Variants in EFHC2 observed in about 807,000 individuals in gnomAD.
The protein encoded by EFHC2 is EF-hand domain-containing family member C2.
A neutral mutation model predicts 52.7 loss-of-function variants in EFHC2; 18 were observed. The observed-to-expected ratio is 0.34, with a 90% CI of 0.24 to 0.51. The LOEUF is 0.51. EFHC2 is among the 20% of genes least tolerant of loss of function. EFHC2 has a pLI of 0.97. For synonymous variants in EFHC2, 203 were observed against 204.1 expected, an observed-to-expected ratio of 0.99 and a Z score of 0.04; for missense variants, 513 against 562.5, an observed-to-expected ratio of 0.91 and a Z score of 0.89.
chrX:44,226,554 C>A (rs1419524110), intron 11 of EFHC2, among the ~76,000 whole-genome samples: 1 of 110,920 alleles, frequency 9.0e-6, no homozygotes, highest in African/African-American at 3.3e-5. Context: ...AAGAGACATG[C>A]GAGGGGGAAA....
intron 4 of EFHC2, among the ~76,000 whole-genome samples, chrX:44,259,064 A>G (rs930797796): frequency 6.3e-5 from 7 of 111,334 alleles, no homozygotes; most frequent in African/African-American, 2.0e-4. Context: ...TACCCAAAGG[A>G]TTATAAATCA....
chrX:44,325,695 C>T (rs1236899796), intron 1 of EFHC2, among the ~76,000 whole-genome samples: 1 of 106,512 alleles, frequency 9.4e-6, no homozygotes, highest in Non-Finnish European at 1.9e-5. Flanking sequence ...GCACAGCAGT[C>T]TCTTGTTTCT....
intron 2 of EFHC2, among the ~76,000 whole-genome samples, chrX:44,295,637 C>A (rs1018355104): frequency 9.0e-6 from 1 of 110,612 alleles, no homozygotes. Context: ...AGGCTACTCT[C>A]CAGGTGAAAG....
intron 11 of EFHC2, among the ~76,000 whole-genome samples, chrX:44,187,928 T>G (rs572377138): frequency 2.7e-5 from 3 of 109,529 alleles, no homozygotes; most frequent in African/African-American, 9.9e-5. Flanking sequence ...AAAAAGTGTT[T>G]CCTGTCAAAC....
In EFHC2 at chrX:44,313,109, A is replaced by AAAG. The variant is rs1556024252; in HGVS notation, c.43-354_43-353insCTT. Among the ~76,000 whole-genome samples the AAAG allele has an allele frequency of 1.5e-3, 156 of 105,041 alleles. 1 individual carries two copies. The highest frequency in any genetic ancestry group is 2.4e-3 in the Admixed American group (23 of 9,518). The allele number at this position is 105,041 out of a possible 115,157, so 91.2% of individuals were successfully genotyped here. ...AATGCAAACAGCAAAAAAAAAAAAA[A>AAAG]AAAGAAAGAAAGAAAGAAAAAACTG... On this transcript the variant is annotated intron_variant, in intron 1 of 14. Coordinates refer to ENST00000420999, the MANE Select transcript of EFHC2 (RefSeq NM_025184.4).
chrX:44,232,556 A>G lies in EFHC2; in HGVS notation c.1545T>C (p.Asn515=), dbSNP rs190139811. 6.7e-6 allele frequency: 8 copies of G among 1,187,619 alleles called. No homozygotes were observed. In the African/African-American group the frequency reaches 1.2e-4, roughly 18 times the overall value. Residue 515 remains asparagine, a synonymous_variant, in exon 10 of 15, where the codon AAT becomes AAC. Coordinates refer to ENST00000420999, the MANE Select transcript of EFHC2 (RefSeq NM_025184.4). ...AEELYIGVTV[N]VNGYLFRLLN... ...GCAAACGAAATAGGTAACCATTCAC[A>G]TTCACCGTGACTCCAATGTACAGCT...
intron 2 of EFHC2, among the ~76,000 whole-genome samples, chrX:44,310,914 T>A (rs750362757): frequency 8.9e-6 from 1 of 112,145 alleles, no homozygotes; most frequent in Non-Finnish European, 1.9e-5. Context: ...GAGAAAAACA[T>A]GAAATGACTT....
intron 1 of EFHC2, among the ~76,000 whole-genome samples, chrX:44,321,172 G>A (rs1257197931): frequency 1.8e-5 from 2 of 111,749 alleles, no homozygotes; most frequent in Non-Finnish European, 3.8e-5. Context: ...TGTGGAAAAA[G>A]AGATGAGTTA....
At chrX:44,314,158 C>T (rs897789066) in intron 1 of EFHC2, among the ~76,000 whole-genome samples, 1 of 111,567 alleles carries the variant, frequency 9.0e-6, no homozygotes, top group Non-Finnish European at 1.9e-5. Flanking sequence ...AATAAATGAA[C>T]ACTCATATGC....
chrX:44,294,921 G>A (rs1405020295), intron 2 of EFHC2, among the ~76,000 whole-genome samples: 9 of 112,324 alleles, frequency 8.0e-5, no homozygotes, highest in Admixed American at 7.5e-4. Context: ...AGCCAACACT[G>A]ATTAAGTACT....
At chrX:44,166,285 T>G (rs748960038) in intron 13 of EFHC2, among the ~76,000 whole-genome samples, 286 of 111,028 alleles carry the variant, frequency 2.6e-3, no homozygotes, top group Non-Finnish European at 4.7e-3. Flanking sequence ...GAATATATTT[T>G]GAATGTAGGA....
chrX:44,232,706 G>C (rs374146918), intron 9 of EFHC2, 29 bp from the exon 10 acceptor site: 2 of 1,149,181 alleles, frequency 1.7e-6, no homozygotes. Flanking sequence ...TTCATGAGCA[G>C]CCTTTATTCT....
chrX:44,207,863 G>T (rs2037060802), intron 11 of EFHC2, among the ~76,000 whole-genome samples: 2 of 112,467 alleles, frequency 1.8e-5, no homozygotes, highest in Admixed American at 1.9e-4. Context: ...CTCAAAAGCA[G>T]ACAGACATAA....
chrX:44,237,321 A>C (rs777968144), intron 8 of EFHC2, among the ~76,000 whole-genome samples: 15 of 111,720 alleles, frequency 1.3e-4, no homozygotes, highest in Non-Finnish European at 2.6e-4. Flanking sequence ...ACTACTTTTC[A>C]AACTTCCCAG....
chrX:44,246,514 C>CT lies in EFHC2; in HGVS notation c.1111+1757dup, dbSNP rs201690613. On this transcript the variant is annotated intron_variant, in intron 7 of 14. Transcript: ENST00000420999. ...ATATTAGCTTTAGAGGCACAGACTA[C>CT]TTTTTTTTTACATAATACAATTAGT... 1.9e-4 allele frequency among the ~76,000 whole-genome samples: 21 copies of CT among 110,630 alleles called. 1 individual carries two copies. Among genetic ancestry groups the CT allele is most frequent in the East Asian group, 5.7e-4 (2 of 3,526 alleles).
At chrX:44,315,331 C>T (rs1186689599) in intron 1 of EFHC2, among the ~76,000 whole-genome samples, 1 of 110,241 alleles carries the variant, frequency 9.1e-6, no homozygotes, top group African/African-American at 3.3e-5. Context: ...CCCAGCCTCA[C>T]GTATTTCTTT....
chrX:44,235,424 A>C lies in EFHC2; in HGVS notation c.1304T>G (p.Leu435Arg). ...KDSYGSKSNI[L>R]RFFAKLVTDK... is the part of the protein sequence containing the mutation. ...TGTGACTAGTTTTGCAAAAAAACGG[A>C]GTATATTGCTTTTGGAGCCATAGCT... Residue 435 changes from leucine (L) to arginine (R), a missense_variant, in exon 9 of 15, where the codon CTC becomes CGC. Physicochemically the swap from Leu to Arg is moderately radical, Grantham distance 102. Transcript: ENST00000420999. The C allele has an allele frequency of 8.4e-7, 1 of 1,195,302 alleles. No homozygotes were observed. Among genetic ancestry groups the C allele is most frequent in the Non-Finnish European group, 1.1e-6 (1 of 887,057 alleles).
At chrX:44,214,720 T>C (rs1484043777) in intron 11 of EFHC2, among the ~76,000 whole-genome samples, 2 of 112,365 alleles carry the variant, frequency 1.8e-5, no homozygotes, top group Non-Finnish European at 3.8e-5. Flanking sequence ...AAAGCTTTTA[T>C]TTATCTTATT....
intron 1 of EFHC2, among the ~76,000 whole-genome samples, chrX:44,327,634 G>A (rs2038060952): frequency 9.0e-6 from 1 of 110,865 alleles, no homozygotes; most frequent in Non-Finnish European, 1.9e-5. Context: ...TCATGGAGAA[G>A]AAAAAGTCAT....
Sources: gnomAD v4.1 joint callset for allele counts (sites outside exome capture counted in the v4.1 genomes callset) on GRCh38, gnomAD v4.1.1 for gene constraint, MANE v1.5 for transcripts, NCBI Gene and HGNC (gene_info 2026-07-23, HGNC 2026-07-21) for gene names.